The following TAPT1 variants were observed in gnomAD, a reference collection of about 807,000 sequenced individuals.
TAPT1 encodes transmembrane anterior posterior transformation protein 1 homolog.
A neutral mutation model predicts 65.6 loss-of-function variants in TAPT1; 28 were observed. That is an observed-to-expected ratio of 0.43 (90% CI 0.32 to 0.59). The LOEUF (loss-of-function observed/expected upper bound fraction) is 0.59, where lower values mean the gene tolerates loss of function less well. Ranked by LOEUF, TAPT1 falls within the 20% of genes least tolerant of loss-of-function variation. The pLI is 0.09. For synonymous variants in TAPT1, 278 were observed against 245.2 expected (o/e 1.13, Z -1.25); for missense variants, 563 against 679.9 (o/e 0.83, Z 1.91).
At chr4:16,194,668 A>T (rs1051650596) in intron 3 of TAPT1, among the ~76,000 whole-genome samples, 2 of 152,140 alleles carry the variant, frequency 1.3e-5, no homozygotes, top group Non-Finnish European at 2.9e-5. Flanking sequence ...CTGGACTATT[A>T]TGATATATAT....
chr4:16,223,043 T>C (rs1365494121), intron 1 of TAPT1, among the ~76,000 whole-genome samples: 1 of 152,162 alleles, frequency 6.6e-6, no homozygotes, highest in Non-Finnish European at 1.5e-5. Flanking sequence ...CCAAGCCTTC[T>C]GTTAAGTCTC....
intron 1 of TAPT1, among the ~76,000 whole-genome samples, chr4:16,225,549 T>C (rs1015795028): frequency 1.3e-5 from 2 of 152,244 alleles, no homozygotes; most frequent in Admixed American, 1.3e-4. Flanking sequence ...AATGCAAGTT[T>C]TAAAAATTCT....
chr4:16,173,752 T>G (rs1289749339), intron 11 of TAPT1, among the ~76,000 whole-genome samples: 1 of 152,238 alleles, frequency 6.6e-6, no homozygotes, highest in Non-Finnish European at 1.5e-5. Context: ...CATAAATCAT[T>G]GTGTGTCTTT....
chr4:16,177,708 G>A (rs996795531), intron 8 of TAPT1, among the ~76,000 whole-genome samples: 1 of 152,158 alleles, frequency 6.6e-6, no homozygotes, highest in Non-Finnish European at 1.5e-5. Flanking sequence ...AGAACTAAAT[G>A]AGATAATGGT....
At chr4:16,166,989 C>CTTT (rs1553820388) in intron 12 of TAPT1, 196 bp from the exon 13 acceptor site, 6 of 292,812 alleles carry the variant, frequency 2.0e-5, no homozygotes, top group African/African-American at 3.1e-5. Flanking sequence ...TTCCTTAGTT[C>CTTT]TCTTTTTTTT....
intron 2 of TAPT1, among the ~76,000 whole-genome samples, chr4:16,210,364 C>T (rs944207347): frequency 3.3e-5 from 5 of 152,178 alleles, no homozygotes; most frequent in Non-Finnish European, 7.3e-5. Flanking sequence ...CCACACCTCT[C>T]CCAATCACCT....
intron 12 of TAPT1, 112 bp from the exon 13 acceptor site, chr4:16,166,905 A>G (rs1387941346): frequency 4.9e-6 from 5 of 1,023,326 alleles, no homozygotes; most frequent in Non-Finnish European, 5.6e-6. Flanking sequence ...ACGGTGACAG[A>G]TTAGGGATTT....
intron 2 of TAPT1, among the ~76,000 whole-genome samples, chr4:16,211,793 T>C (rs536808970): frequency 6.6e-6 from 1 of 152,352 alleles, no homozygotes; most frequent in South Asian, 2.1e-4. Context: ...AAAAAAATTC[T>C]GATGGCAACT....
At chr4:16,189,497 G>T (rs975621705) in intron 4 of TAPT1, among the ~76,000 whole-genome samples, 1 of 151,510 alleles carries the variant, frequency 6.6e-6, no homozygotes, top group African/African-American at 2.4e-5. Context: ...CCATGGGCCT[G>T]ATATTGTGCT....
chr4:16,193,135 G>A (rs902979970), intron 3 of TAPT1, among the ~76,000 whole-genome samples: 1 of 152,184 alleles, frequency 6.6e-6, no homozygotes, highest in South Asian at 2.1e-4. Flanking sequence ...TCTATTTACA[G>A]ACAGAATCTA....
chr4:16,205,670 G>A (rs1275524026), intron 2 of TAPT1, among the ~76,000 whole-genome samples: 2 of 152,028 alleles, frequency 1.3e-5, no homozygotes, highest in African/African-American at 4.8e-5. Flanking sequence ...ATGTCCCACA[G>A]AGGAGAGAAG....
At chr4:16,219,529 G>A (rs1248209216) in intron 1 of TAPT1, among the ~76,000 whole-genome samples, 2 of 152,168 alleles carry the variant, frequency 1.3e-5, no homozygotes, top group Non-Finnish European at 2.9e-5. Flanking sequence ...GCTGGGGAAT[G>A]GTTTTAAATG....
At chr4:16,184,932 C>T (rs1248494365) in intron 7 of TAPT1, among the ~76,000 whole-genome samples, 2 of 152,156 alleles carry the variant, frequency 1.3e-5, no homozygotes, top group Non-Finnish European at 2.9e-5. Flanking sequence ...GGCCTTTTCA[C>T]TTTTTAAGTT....
Position 16,225,621 on chromosome 4 carries a change from A to G in TAPT1, c.199+638T>C, listed in dbSNP as rs191456006. On this transcript the variant is annotated intron_variant, in intron 1 of 13. Coordinates refer to ENST00000405303, the MANE Select transcript of TAPT1 (RefSeq NM_153365.3). ...CTGTAACATTGTAACAATACGTTTA[A>G]AACTGGTCATTGAATGTAGGATTCA... is the stretch of plus-strand genomic sequence containing the variant. Among the ~76,000 whole-genome samples the G allele has an allele frequency of 3.9e-3, 590 of 152,364 alleles. 4 individuals carry two copies. The highest frequency in any genetic ancestry group is 5.6e-3 in the Non-Finnish European group (382 of 68,042).
Position 16,176,099 on chromosome 4 carries a change from G to T in TAPT1, c.1107+20C>A. ...ACAGAAGTAAACTTTAAACATTGAA[G>T]TGCATATCAAAATACATACATCTGC... On this transcript the variant is annotated intron_variant, in intron 9 of 13. Transcript: ENST00000405303. 1.7e-6 allele frequency: 2 copies of T among 1,178,986 alleles called. No individual in the cohort carries two copies. Among genetic ancestry groups the T allele is most frequent in the Non-Finnish European group, 2.4e-6 (2 of 835,376 alleles). The allele number at this position is 1,178,986 out of a possible 1,614,324, so 73.0% of individuals were successfully genotyped here. A position where few individuals can be genotyped will look rare whatever the true frequency, so the allele number is the denominator to read the frequency against.
At chr4:16,200,806 G>T (rs997282696) in intron 3 of TAPT1, among the ~76,000 whole-genome samples, 2 of 152,162 alleles carry the variant, frequency 1.3e-5, no homozygotes, top group East Asian at 3.8e-4. Flanking sequence ...AGTGATAAAA[G>T]AAAATAGTTT....
chr4:16,221,572 C>T (rs954631743), intron 1 of TAPT1, among the ~76,000 whole-genome samples: 16 of 151,980 alleles, frequency 1.1e-4, no homozygotes, highest in African/African-American at 3.9e-4. Context: ...TCTAAGAAAG[C>T]TTATTTTAGA....
intron 12 of TAPT1, among the ~76,000 whole-genome samples, chr4:16,168,363 C>G (rs773142739): frequency 1.3e-5 from 2 of 152,162 alleles, no homozygotes; most frequent in East Asian, 1.9e-4. Flanking sequence ...TCCCACCCAG[C>G]CTGCCAAAGT....
chr4:16,193,927 T>G (rs187240488), intron 3 of TAPT1, among the ~76,000 whole-genome samples: 2 of 149,002 alleles, frequency 1.3e-5, no homozygotes, highest in Non-Finnish European at 2.9e-5. Flanking sequence ...TTTTGATAAC[T>G]AATTAAAGTA....
Sources: allele counts gnomAD v4.1 joint callset (sites outside exome capture counted in the v4.1 genomes callset), GRCh38; gene constraint gnomAD v4.1.1; transcripts MANE v1.5; gene names NCBI Gene and HGNC (gene_info 2026-07-23, HGNC 2026-07-21).